GLI2: variants seen among roughly 807,000 people sequenced by gnomAD.
GLI2 encodes GLI family zinc finger 2.
A neutral mutation model predicts 78.9 loss-of-function variants in GLI2; 22 were observed. The ratio of observed to expected loss-of-function variants is 0.28; its 90% CI spans 0.20 to 0.40. The LOEUF is 0.40. Ranked by LOEUF, GLI2 falls within the 10% of genes least tolerant of loss-of-function variation. GLI2 has a pLI of 1.00. For synonymous variants in GLI2, 974 were observed against 963.7 expected (o/e 1.01, Z -0.20); for missense variants, 2,097 against 2,213.2 (o/e 0.95, Z 1.05).
chr2:120,940,919 A>C (rs34037055), intron 3 of GLI2, among the ~76,000 whole-genome samples: 3,821 of 151,662 alleles, frequency 0.025, 174 homozygotes, highest in African/African-American at 0.089. Flanking sequence ...CTGTCTCAGA[A>C]CCCCAGCTCC....
intron 2 of GLI2, among the ~76,000 whole-genome samples, chr2:120,830,466 G>A (rs139507781): frequency 1.4e-3 from 210 of 152,366 alleles, no homozygotes; most frequent in African/African-American, 4.9e-3. Context: ...TTCTGCTGGT[G>A]TGTACGGAGA....
At chr2:120,841,851 GT>G (rs1686893214) in intron 2 of GLI2, among the ~76,000 whole-genome samples, 19 of 133,560 alleles carry the variant, frequency 1.4e-4, no homozygotes, top group East Asian at 6.3e-4. Flanking sequence ...TCTGGAGGGT[GT>G]GTGTGTGTGT....
chr2:120,898,444 C>T (rs1362174717), intron 2 of GLI2, among the ~76,000 whole-genome samples: 1 of 152,136 alleles, frequency 6.6e-6, no homozygotes, highest in African/African-American at 2.4e-5. Flanking sequence ...GCGTGCATGC[C>T]TGGATTCGCA....
intron 1 of GLI2, among the ~76,000 whole-genome samples, chr2:120,741,935 C>G (rs1267253505): frequency 6.6e-6 from 1 of 152,222 alleles, no homozygotes; most frequent in East Asian, 1.9e-4. Context: ...GCGCCCGGAG[C>G]GCGCGAGCGG....
At position 120,976,474 on chromosome 2, in the gene GLI2, C is replaced by G. The variant is rs144321659; in HGVS notation, c.1317+1365C>G. Among the ~76,000 whole-genome samples, 166 of 152,338 alleles carry G rather than the reference C, an allele frequency of 1.1e-3. 2 individuals are homozygous for G. The Middle Eastern group carries it at 0.027, about 25-fold the overall frequency. On this transcript the variant is annotated intron_variant, in intron 9 of 13. Transcript: ENST00000361492. ...CTGGATCTCAAACTTAATTTTTCAA[C>G]TTGTACCACCTCTTTGGGGTAAACA... is the stretch of plus-strand genomic sequence containing the variant.
intron 2 of GLI2, among the ~76,000 whole-genome samples, chr2:120,841,848 G>GGTGTGTGTGTGT (rs555474895): frequency 0.029 from 3,911 of 132,606 alleles, 89 homozygotes; most frequent in African/African-American, 0.04. Flanking sequence ...CAGTCTGGAG[G>GGTGTGTGTGTGT]GTGTGTGTGT....
intron 2 of GLI2, among the ~76,000 whole-genome samples, chr2:120,868,262 C>A (rs1027452296): frequency 2.0e-5 from 3 of 151,834 alleles, no homozygotes; most frequent in African/African-American, 7.3e-5. Context: ...AAACAGCTTC[C>A]CGGGGGACCA....
At chr2:120,888,275 A>G (rs1369819458) in intron 2 of GLI2, among the ~76,000 whole-genome samples, 2 of 152,148 alleles carry the variant, frequency 1.3e-5, no homozygotes, top group African/African-American at 4.8e-5. Flanking sequence ...CAGTTGAGTG[A>G]TGTTGCTTTC....
intron 2 of GLI2, among the ~76,000 whole-genome samples, chr2:120,873,505 G>A (rs1688572341): frequency 6.6e-6 from 1 of 152,108 alleles, no homozygotes; most frequent in South Asian, 2.1e-4. Context: ...TTCCGCCTTG[G>A]GTCTGTTGCA....
intron 1 of GLI2, among the ~76,000 whole-genome samples, chr2:120,779,735 G>A (rs1378775306): frequency 6.6e-6 from 1 of 152,258 alleles, no homozygotes; most frequent in Non-Finnish European, 1.5e-5. Context: ...AGGGCACACA[G>A]TAGGTTAAGA....
chr2:120,770,248 C>A (rs1683485261), intron 1 of GLI2, among the ~76,000 whole-genome samples: 1 of 152,238 alleles, frequency 6.6e-6, no homozygotes, highest in African/African-American at 2.4e-5. Context: ...CATCCCCCAC[C>A]CCCAGCCTCC....
intron 2 of GLI2, among the ~76,000 whole-genome samples, chr2:120,834,957 G>C (rs1190021232): frequency 1.3e-5 from 2 of 152,148 alleles, no homozygotes; most frequent in Non-Finnish European, 2.9e-5. Context: ...TCACTCTTCA[G>C]CTCGTTTTCC....
intron 1 of GLI2, among the ~76,000 whole-genome samples, chr2:120,766,676 A>G (rs555023956): frequency 2.0e-5 from 3 of 152,338 alleles, no homozygotes; most frequent in African/African-American, 4.8e-5. Context: ...TAAGGTCTTT[A>G]TGCCTCAGTT....
intron 4 of GLI2, 89 bp downstream of exon 4, chr2:120,951,534 C>A: frequency 1.3e-6 from 1 of 793,544 alleles, no homozygotes; most frequent in Non-Finnish European, 2.1e-6. Context: ...GTCAACTCCT[C>A]AGCCTTGGTC....
intron 1 of GLI2, among the ~76,000 whole-genome samples, chr2:120,773,626 G>A (rs934640062): frequency 2.6e-5 from 4 of 152,308 alleles, no homozygotes; most frequent in East Asian, 1.9e-4. Context: ...GTACAGTAGC[G>A]GCACAGTATC....
chr2:120,778,171 C>A (rs939011333), intron 1 of GLI2, among the ~76,000 whole-genome samples: 1 of 152,144 alleles, frequency 6.6e-6, no homozygotes, highest in African/African-American at 2.4e-5. Context: ...TTGTAGCCCC[C>A]ACAGATGATG....
At chr2:120,834,854 G>T (rs1160143338) in intron 2 of GLI2, among the ~76,000 whole-genome samples, 1 of 152,020 alleles carries the variant, frequency 6.6e-6, no homozygotes, top group Non-Finnish European at 1.5e-5. Flanking sequence ...TCAAGGCTGA[G>T]AGGTCGTGTG....
At chr2:120,819,897 ACTT>A (rs1359288386) in intron 2 of GLI2, among the ~76,000 whole-genome samples, 3 of 152,064 alleles carry the variant, frequency 2.0e-5, no homozygotes. Flanking sequence ...GGCAGGGAAG[ACTT>A]CTTGGAGGAG....
Position 120,988,413 on chromosome 2 carries a change from C to A in GLI2, c.2448C>A (p.Arg816=). ...GCATCTCCCCCTACTTCTCCAGCCG[C>A]CGCTCCAGCGAGGCCTCGCCCCTGG... ...SSGISPYFSS[R]RSSEASPLGA... The change falls in exon 14 of 14, where the codon CGC becomes CGA. Residue 816 remains arginine, a synonymous_variant. Coordinates refer to ENST00000361492, the MANE Select transcript of GLI2 (RefSeq NM_001374353.1). The A allele has an allele frequency of 6.4e-7, 1 of 1,574,522 alleles. No individual in the cohort carries two copies. Among genetic ancestry groups the A allele is most frequent in the Non-Finnish European group, 8.5e-7 (1 of 1,170,086 alleles).
Sources: allele counts gnomAD v4.1 joint callset (sites outside exome capture counted in the v4.1 genomes callset), GRCh38; gene constraint gnomAD v4.1.1; transcripts MANE v1.5; gene names NCBI Gene and HGNC (gene_info 2026-07-23, HGNC 2026-07-21).